NXPH2: variants seen among roughly 807,000 people sequenced by gnomAD.
NXPH2 encodes neurexophilin-2.
NXPH2 carries 5 observed loss-of-function variants against 19.8 expected under a neutral mutation model. The observed-to-expected ratio is 0.25, with a 90% CI of 0.13 to 0.53. The LOEUF (loss-of-function observed/expected upper bound fraction) is 0.53, where lower values mean the gene tolerates loss of function less well. Among genes scored for constraint, NXPH2 ranks in the 20% least tolerant of loss-of-function variants. The pLI, the probability that NXPH2 is intolerant of heterozygous loss-of-function variation, is 0.96. For missense variants in NXPH2, 289 were observed against 322.8 expected, an observed-to-expected ratio of 0.90 and a Z score of 0.80; for synonymous variants, 154 against 127.4, an observed-to-expected ratio of 1.21 and a Z score of -1.41.
chr2:138,690,892 G>A (rs1009016171), intron 1 of NXPH2, among the ~76,000 whole-genome samples: 1 of 152,220 alleles, frequency 6.6e-6, no homozygotes, highest in African/African-American at 2.4e-5. Flanking sequence ...AACCCAACAC[G>A]AGATGCACCA....
At chr2:138,711,035 C>T (rs1453242185) in intron 1 of NXPH2, among the ~76,000 whole-genome samples, 1 of 151,918 alleles carries the variant, frequency 6.6e-6, no homozygotes, top group Non-Finnish European at 1.5e-5. Flanking sequence ...TTTTGACTCT[C>T]ATATTGCAAA....
intron 1 of NXPH2, among the ~76,000 whole-genome samples, chr2:138,705,807 A>G (rs1680999830): frequency 6.6e-6 from 1 of 152,174 alleles, no homozygotes; most frequent in Non-Finnish European, 1.5e-5. Context: ...TTCTTCATAA[A>G]ATAAACATTC....
intron 1 of NXPH2, among the ~76,000 whole-genome samples, chr2:138,739,678 A>G (rs1321518994): frequency 1.3e-5 from 2 of 152,184 alleles, no homozygotes; most frequent in Non-Finnish European, 2.9e-5. Flanking sequence ...TAGTTGATGG[A>G]AGCCATCTGC....
intron 1 of NXPH2, among the ~76,000 whole-genome samples, chr2:138,721,127 G>T (rs1359634811): frequency 6.6e-6 from 1 of 152,100 alleles, no homozygotes; most frequent in African/African-American, 2.4e-5. Flanking sequence ...GGATCACAAG[G>T]TCAGGAGTTC....
intron 1 of NXPH2, among the ~76,000 whole-genome samples, chr2:138,679,152 C>G (rs903351808): frequency 2.6e-5 from 4 of 152,168 alleles, no homozygotes; most frequent in Admixed American, 6.5e-5. Flanking sequence ...CACTGAATAA[C>G]GAAAACTAAA....
At chr2:138,675,683 A>G (rs1420401085) in intron 1 of NXPH2, among the ~76,000 whole-genome samples, 2 of 152,120 alleles carry the variant, frequency 1.3e-5, no homozygotes, top group Non-Finnish European at 2.9e-5. Context: ...AGATAAATTG[A>G]GTGTCATTAT....
chr2:138,715,994 G>A (rs1030973531), intron 1 of NXPH2, among the ~76,000 whole-genome samples: 2 of 152,134 alleles, frequency 1.3e-5, no homozygotes, highest in African/African-American at 4.8e-5. Flanking sequence ...ATTGGCAATT[G>A]CCTGATGATC....
At chr2:138,672,888 C>T (rs975437903) in intron 1 of NXPH2, among the ~76,000 whole-genome samples, 27 of 152,156 alleles carry the variant, frequency 1.8e-4, no homozygotes, top group Middle Eastern at 3.4e-3. Flanking sequence ...TTTGACTAGA[C>T]GGTATAGTTT....
intron 1 of NXPH2, among the ~76,000 whole-genome samples, chr2:138,759,872 G>A (rs1681981461): frequency 1.3e-5 from 2 of 151,688 alleles, no homozygotes; most frequent in South Asian, 4.2e-4. Flanking sequence ...TGGGACTATA[G>A]GCACCTGCCA....
At chr2:138,734,381 G>A (rs1431932662) in intron 1 of NXPH2, among the ~76,000 whole-genome samples, 1 of 152,186 alleles carries the variant, frequency 6.6e-6, no homozygotes, top group Non-Finnish European at 1.5e-5. Context: ...GAACATTGGG[G>A]ATACAAAGAT....
chr2:138,779,751 T>A (rs1050946902), intron 1 of NXPH2, among the ~76,000 whole-genome samples: 2 of 152,180 alleles, frequency 1.3e-5, no homozygotes, highest in African/African-American at 4.8e-5. Flanking sequence ...TGCTGTGCTT[T>A]GGGAGAAGTG....
At chr2:138,684,417 TAAGAA>T (rs1680619050) in intron 1 of NXPH2, among the ~76,000 whole-genome samples, 1 of 152,138 alleles carries the variant, frequency 6.6e-6, no homozygotes, top group East Asian at 1.9e-4. Flanking sequence ...AAAATGAAAC[TAAGAA>T]AACAGAAAAA....
intron 1 of NXPH2, among the ~76,000 whole-genome samples, chr2:138,742,373 C>T (rs1028844959): frequency 2.6e-5 from 4 of 152,094 alleles, no homozygotes; most frequent in African/African-American, 9.7e-5. Context: ...TTTGGAAATA[C>T]GCCCTGGAAC....
Position 138,671,125 on chromosome 2 carries a change from T to G in NXPH2, c.592A>C (p.Lys198Gln). Residue 198 changes from lysine (K) to glutamine (Q), a missense_variant, in exon 2 of 2, where the codon AAA becomes CAA. Physicochemically the swap from Lys to Gln is moderately conservative, Grantham distance 53. Transcript: ENST00000272641. The stretch of plus-strand genomic sequence containing the variant: ...TCAAAGTTGCACAGGGCGGTCTTTT[T>G]CGCCCGATCTGTTTTTTCATACTCA... ...RIEYEKTDRA[K>Q]KTALCNFDPS... 1 of 1,613,946 alleles carries G rather than the reference T, an allele frequency of 6.2e-7. No homozygotes were observed. Among genetic ancestry groups the G allele is most frequent in the Non-Finnish European group, 8.5e-7 (1 of 1,179,864 alleles).
chr2:138,713,394 A>T (rs561808725), intron 1 of NXPH2, among the ~76,000 whole-genome samples: 119 of 152,308 alleles, frequency 7.8e-4, no homozygotes, highest in African/African-American at 2.8e-3. Flanking sequence ...AGAAGCTTCC[A>T]AAGGAAGGGA....
At chr2:138,773,513 C>T (rs16841174) in intron 1 of NXPH2, among the ~76,000 whole-genome samples, 22,090 of 152,054 alleles carry the variant, frequency 0.15, 1,677 homozygotes, top group Middle Eastern at 0.19. Context: ...GCTGTCTACA[C>T]ACACAAATGA....
chr2:138,770,059 G>C (rs964608444), intron 1 of NXPH2, among the ~76,000 whole-genome samples: 1 of 152,086 alleles, frequency 6.6e-6, no homozygotes, highest in African/African-American at 2.4e-5. Flanking sequence ...AGGGTTGGTT[G>C]AGGAAAAAAC....
intron 1 of NXPH2, among the ~76,000 whole-genome samples, chr2:138,676,070 C>T (rs917705271): frequency 1.3e-5 from 2 of 151,926 alleles, no homozygotes; most frequent in African/African-American, 4.8e-5. Context: ...ACAACATTAG[C>T]CAAGTTGGTA....
At chr2:138,739,331 C>G (rs908893421) in intron 1 of NXPH2, among the ~76,000 whole-genome samples, 1 of 152,170 alleles carries the variant, frequency 6.6e-6, no homozygotes, top group African/African-American at 2.4e-5. Flanking sequence ...TAAACAACCA[C>G]AGGATTTAAA....
Sources: gnomAD v4.1 joint callset for allele counts (sites outside exome capture counted in the v4.1 genomes callset) on GRCh38, gnomAD v4.1.1 for gene constraint, MANE v1.5 for transcripts, NCBI Gene and HGNC (gene_info 2026-07-23, HGNC 2026-07-21) for gene names.